The following AHRR variants were observed in gnomAD, a reference collection of about 807,000 sequenced individuals.
AHRR encodes ahR repressor.
AHRR carries 28 observed loss-of-function variants against 44.0 expected under a neutral mutation model. The ratio of observed to expected loss-of-function variants is 0.64; its 90% CI spans 0.47 to 0.87. The LOEUF is 0.87. AHRR is among the 40% of genes least tolerant of loss of function. The pLI, the probability that AHRR is intolerant of heterozygous loss-of-function variation, is 0.00. For missense variants in AHRR, 990 were observed against 953.9 expected, an observed-to-expected ratio of 1.04 and a Z score of -0.50; for synonymous variants, 434 against 407.0, an observed-to-expected ratio of 1.07 and a Z score of -0.80.
chr5:345,332 GGGGA>G (rs1220081619), intron 2 of AHRR, among the ~76,000 whole-genome samples: 16 of 39,170 alleles, frequency 4.1e-4, no homozygotes, highest in African/African-American at 1.8e-3. Context: ...GTGTGTGTGT[GGGGA>G]TGTGTGTGTG....
At chr5:428,204 C>T (rs995218617) in intron 8 of AHRR, among the ~76,000 whole-genome samples, 198 bp downstream of exon 8, 1 of 152,264 alleles carries the variant, frequency 6.6e-6, no homozygotes, top group African/African-American at 2.4e-5. Flanking sequence ...TATTTGCAAA[C>T]TGGCACCAAA....
At chr5:413,535 CT>C in intron 5 of AHRR, 102 bp downstream of exon 5, 1 of 872,008 alleles carries the variant, frequency 1.1e-6, no homozygotes, top group Admixed American at 2.3e-5. Context: ...TAAAATCAGG[CT>C]TTTCCTATCA....
chr5:421,357 C>G (rs778088201), intron 5 of AHRR: 2 of 679,400 alleles, frequency 2.9e-6, no homozygotes, highest in Non-Finnish European at 5.4e-6. Flanking sequence ...ATCATCCCTC[C>G]ACGTGGAGTC....
intron 3 of AHRR, among the ~76,000 whole-genome samples, chr5:354,534 C>T (rs1240578355): frequency 6.6e-6 from 1 of 152,144 alleles, no homozygotes; most frequent in Non-Finnish European, 1.5e-5. Flanking sequence ...GGAAGCATGG[C>T]GTTTCCTTAG....
rs147860391 is a variant in AHRR, at chr5:376,828, C to T, written c.351+112C>T. ...CATGTTCAGGCCCTCACCCAGGAGGCCCTTAGGTTGTGAGGTTTATAACTG... is the reference window on the plus strand; with the variant it reads ...CATGTTCAGGCCCTCACCCAGGAGGTCCTTAGGTTGTGAGGTTTATAACTG... On this transcript the variant is annotated intron_variant, in intron 4 of 10. Coordinates refer to ENST00000684583, the MANE Select transcript of AHRR (RefSeq NM_001377236.1). 1.4e-4 allele frequency: 131 copies of T among 941,196 alleles called. 1 individual carries two copies. The East Asian group carries it at 2.6e-3, about 19-fold the overall frequency. The allele number at this position is 941,196 out of a possible 1,614,324, so 58.3% of individuals were successfully genotyped here.
intron 4 of AHRR, among the ~76,000 whole-genome samples, chr5:409,620 G>A (rs1351444540): frequency 6.6e-6 from 1 of 151,684 alleles, no homozygotes; most frequent in Non-Finnish European, 1.5e-5. Flanking sequence ...TTTTGGTAAA[G>A]TATCTGTGCA....
chr5:374,942 C>G (rs531655266), intron 3 of AHRR, among the ~76,000 whole-genome samples: 11 of 152,346 alleles, frequency 7.2e-5, no homozygotes, highest in African/African-American at 2.6e-4. Flanking sequence ...GGCCTGGGGA[C>G]ACCACAGACG....
chr5:422,520 G>T (rs1281474328), intron 5 of AHRR: 3 of 615,418 alleles, frequency 4.9e-6, no homozygotes, highest in South Asian at 1.9e-5. Context: ...CGGGCAGACG[G>T]GTGGGCGGGT....
intron 4 of AHRR, among the ~76,000 whole-genome samples, chr5:413,085 T>C (rs1489607306): frequency 2.6e-5 from 4 of 152,182 alleles, no homozygotes; most frequent in Non-Finnish European, 4.4e-5. Flanking sequence ...AGTCTCACTG[T>C]CGCGTCAAGA....
intron 5 of AHRR, among the ~76,000 whole-genome samples, chr5:417,750 C>G (rs1035413545): frequency 6.6e-6 from 1 of 152,086 alleles, no homozygotes; most frequent in African/African-American, 2.4e-5. Flanking sequence ...AAAGTTTTGC[C>G]TTGATTATGA....
chr5:360,965 A>T (rs1430246542), intron 3 of AHRR, among the ~76,000 whole-genome samples: 1 of 152,200 alleles, frequency 6.6e-6, no homozygotes, highest in Non-Finnish European at 1.5e-5. Flanking sequence ...AAAAATGAGA[A>T]GGTGGGCCGG....
At position 411,431 on chromosome 5, in the gene AHRR, A is replaced by G. The variant is rs1735464255; in HGVS notation, c.352-1913A>G. The stretch of plus-strand genomic sequence containing the variant: ...GGGGATTTGGATTTAGGTAACTGCC[A>G]TTATCCTTGGCTGCCTAGGAGTCTT... On this transcript the variant is annotated intron_variant, in intron 4 of 10. Transcript: ENST00000684583. This position sits in a 1 kb window ranked among gnomAD's most constrained non-coding sequence, Gnocchi z 4.2. 6.6e-6 allele frequency among the ~76,000 whole-genome samples: 1 copy of G among 152,126 alleles called. No individual in the cohort carries two copies.
At chr5:392,658 G>T (rs1050237697) in intron 4 of AHRR, among the ~76,000 whole-genome samples, 1 of 152,068 alleles carries the variant, frequency 6.6e-6, no homozygotes, top group East Asian at 1.9e-4. Context: ...GTCGCTCAAA[G>T]CAGCAGGAAG....
chr5:347,869 A>T (rs530382182), intron 2 of AHRR, among the ~76,000 whole-genome samples: 1 of 152,270 alleles, frequency 6.6e-6, no homozygotes, highest in South Asian at 2.1e-4. Context: ...CGCTCTGGCC[A>T]TCCCAGCTGT....
intron 2 of AHRR, among the ~76,000 whole-genome samples, chr5:353,488 C>A (rs2671915): frequency 6.6e-6 from 1 of 152,252 alleles, no homozygotes; most frequent in East Asian, 1.9e-4. Context: ...TGCGGTTCTC[C>A]GGCTGGTTTG....
At chr5:355,150 G>A (rs1307379192) in intron 3 of AHRR, among the ~76,000 whole-genome samples, 1 of 152,212 alleles carries the variant, frequency 6.6e-6, no homozygotes, top group Non-Finnish European at 1.5e-5. Flanking sequence ...GCCTCCTGGT[G>A]CCCAGGGCTG....
intron 4 of AHRR, chr5:403,693 T>TAA: frequency 1.2e-6 from 1 of 819,084 alleles, no homozygotes; most frequent in South Asian, 1.8e-5. Flanking sequence ...TTTTTTTTTT[T>TAA]TTACTTTCTC....
In AHRR at chr5:326,620, C is replaced by T. The variant is rs73023486; in HGVS notation, c.-11+4801C>T. 0.021 allele frequency among the ~76,000 whole-genome samples: 3,246 copies of T among 152,224 alleles called. 109 individuals carry two copies. Among genetic ancestry groups the T allele is most frequent in the African/African-American group, 0.074 (3,082 of 41,510 alleles). On this transcript the variant is annotated intron_variant, in intron 1 of 10. Transcript: ENST00000684583. This position sits in a 1 kb window ranked among gnomAD's most constrained non-coding sequence, Gnocchi z 4.1. ...GTACCTAGGAGTGGAGTTACTGGATCATATAGTGATTCTGTGTTTAACTTT... is the reference window on the plus strand; with the variant it reads ...GTACCTAGGAGTGGAGTTACTGGATTATATAGTGATTCTGTGTTTAACTTT...
At chr5:369,910 G>A (rs1212232771) in intron 3 of AHRR, among the ~76,000 whole-genome samples, 3 of 152,260 alleles carry the variant, frequency 2.0e-5, no homozygotes, top group Admixed American at 2.0e-4. Context: ...ATGTTCGAAA[G>A]CCTTGAGGCT....
Sources: allele counts gnomAD v4.1 joint callset (sites outside exome capture counted in the v4.1 genomes callset), GRCh38; gene constraint gnomAD v4.1.1; non-coding constraint Gnocchi (gnomAD v3.1); transcripts MANE v1.5; gene names NCBI Gene and HGNC (gene_info 2026-07-23, HGNC 2026-07-21).